The following MYO5A variants were observed in gnomAD, a reference collection of about 807,000 sequenced individuals.
The protein encoded by MYO5A is unconventional myosin-Va.
A neutral mutation model predicts 249.7 loss-of-function variants in MYO5A; 98 were observed. The observed-to-expected ratio is 0.39, with a 90% CI of 0.33 to 0.46. The LOEUF is 0.46. Ranked by LOEUF, MYO5A falls within the 20% of genes least tolerant of loss-of-function variation. The pLI, the probability that MYO5A is intolerant of heterozygous loss-of-function variation, is 0.98. For synonymous variants in MYO5A, 778 were observed against 810.6 expected, an observed-to-expected ratio of 0.96 and a Z score of 0.68; for missense variants, 1,696 against 2,308.8, an observed-to-expected ratio of 0.73 and a Z score of 5.44.
chr15:52,525,426 G>A (rs2077713848), intron 1 of MYO5A, among the ~76,000 whole-genome samples: 1 of 152,134 alleles, frequency 6.6e-6, no homozygotes, highest in African/African-American at 2.4e-5. Flanking sequence ...TTACAAAATG[G>A]AAGCCTTGTT....
intron 1 of MYO5A, among the ~76,000 whole-genome samples, chr15:52,519,137 GT>G (rs2077558853): frequency 6.6e-6 from 1 of 152,148 alleles, no homozygotes; most frequent in African/African-American, 2.4e-5. Context: ...AAAAGAAATT[GT>G]GCACAATTCT....
chr15:52,338,898 A>C (rs2039246969), intron 32 of MYO5A, among the ~76,000 whole-genome samples: 1 of 152,350 alleles, frequency 6.6e-6, no homozygotes, highest in East Asian at 1.9e-4. Context: ...CTTGTATGCC[A>C]ATCAATCAAC....
At chr15:52,395,080 T>G (rs1469087505) in intron 11 of MYO5A, among the ~76,000 whole-genome samples, 1 of 152,192 alleles carries the variant, frequency 6.6e-6, no homozygotes, top group Non-Finnish European at 1.5e-5. Context: ...AAGTAGCAAT[T>G]CCTTGTCCCA....
intron 3 of MYO5A, among the ~76,000 whole-genome samples, chr15:52,427,172 T>C (rs2141286488): frequency 6.6e-6 from 1 of 152,304 alleles, no homozygotes; most frequent in African/African-American, 2.4e-5. Context: ...TTCCTAAGAA[T>C]TTTTCTGTAG....
Position 52,452,232 on chromosome 15 carries a change from T to C in MYO5A, c.28-18947A>G, listed in dbSNP as rs146149785. Among the ~76,000 whole-genome samples, 315 of 151,238 alleles carry C rather than the reference T, an allele frequency of 2.1e-3. 1 individual carries two copies. The highest frequency in any genetic ancestry group is 7.4e-3 in the African/African-American group (304 of 41,160). On this transcript the variant is annotated intron_variant, in intron 1 of 41. Coordinates refer to ENST00000399233, the MANE Select transcript of MYO5A (RefSeq NM_001382347.1). ...GACAGTTCCCAGGGCCACAGAGAAG[T>C]ATTAAAAAAAACTCTGAGCAGATGG...
chr15:52,351,398 T>TGG lies in MYO5A; in HGVS notation c.3703_3704dup (p.Glu1236GlnfsTer3), dbSNP rs2039945223. The TGG allele has an allele frequency of 6.2e-7, 1 of 1,614,110 alleles. No individual in the cohort carries two copies. ...CAGGTGCACCTGGGGCGGTCACCTC[T>TGG]GGGGCACTTTTCTCACTGAGGGCCT... On this transcript the variant is annotated frameshift_variant, in exon 28 of 42. Transcript: ENST00000399233. LOFTEE classifies it high-confidence loss of function.
At chr15:52,386,313 AAAC>A (rs10657432) in intron 14 of MYO5A, among the ~76,000 whole-genome samples, 30 of 150,046 alleles carry the variant, frequency 2.0e-4, no homozygotes, top group Non-Finnish European at 2.7e-4. Context: ...CACTGTCTCA[AAAC>A]AACAACAACA....
Position 52,378,515 on chromosome 15 carries a change from C to CAAAAAAAAAAAAAAAAAAA in MYO5A, c.2208+1109_2208+1110insTTTTTTTTTTTTTTTTTTT, listed in dbSNP as rs55803737. ...CCTGGGTGAAAGAGCAAGACTGTCTCAAAAAAAAAAAAAAAAGAAGGGAAT... is the reference window on the plus strand; with the variant it reads ...CCTGGGTGAAAGAGCAAGACTGTCTCAAAAAAAAAAAAAAAAAAAAAAAAAAAAAAAAAAAGAAGGGAAT... On this transcript the variant is annotated intron_variant, in intron 18 of 41. Coordinates refer to ENST00000399233, the MANE Select transcript of MYO5A (RefSeq NM_001382347.1). 2.9e-3 allele frequency among the ~76,000 whole-genome samples: 30 copies of CAAAAAAAAAAAAAAAAAAA among 10,462 alleles called. 3 individuals carry two copies. Among genetic ancestry groups the CAAAAAAAAAAAAAAAAAAA allele is most frequent in the East Asian group, 6.0e-3 (1 of 168 alleles). 6.9% of individuals were successfully genotyped at this position (10,462 alleles called of 152,430 possible).
chr15:52,363,248 T>G (rs1358326211), intron 24 of MYO5A, among the ~76,000 whole-genome samples: 2 of 152,164 alleles, frequency 1.3e-5, no homozygotes, highest in Admixed American at 1.3e-4. Context: ...AAGAGAAAGC[T>G]AAGAATTACA....
intron 1 of MYO5A, among the ~76,000 whole-genome samples, chr15:52,443,915 G>A (rs369164118): frequency 1.9e-4 from 29 of 151,670 alleles, no homozygotes; most frequent in East Asian, 1.7e-3. Flanking sequence ...CCTGAGAGGC[G>A]GAGGTTGCAG....
At chr15:52,385,674 C>T (rs1368275951) in intron 14 of MYO5A, among the ~76,000 whole-genome samples, 8 of 151,950 alleles carry the variant, frequency 5.3e-5, no homozygotes, top group Admixed American at 5.2e-4. Flanking sequence ...TGTATTACTA[C>T]AAAAATAATT....
intron 1 of MYO5A, among the ~76,000 whole-genome samples, chr15:52,491,017 G>A (rs752942077): frequency 9.9e-5 from 15 of 152,104 alleles, no homozygotes; most frequent in Non-Finnish European, 1.5e-4. Context: ...ACCATGCCTG[G>A]CCTGGTTGTA....
intron 34 of MYO5A, among the ~76,000 whole-genome samples, chr15:52,333,982 T>C (rs1596305292): frequency 6.6e-6 from 1 of 152,350 alleles, no homozygotes; most frequent in African/African-American, 2.4e-5. Flanking sequence ...TTTCATCCTC[T>C]AGATATGTAT....
At chr15:52,320,396 G>A (rs1380220195) in intron 38 of MYO5A, among the ~76,000 whole-genome samples, 4 of 152,126 alleles carry the variant, frequency 2.6e-5, no homozygotes, top group African/African-American at 2.4e-5. Flanking sequence ...TTTAGATTGG[G>A]GCTTCTTTGA....
chr15:52,394,729 G>T (rs1395545445), intron 11 of MYO5A, among the ~76,000 whole-genome samples: 1 of 152,214 alleles, frequency 6.6e-6, no homozygotes, highest in Non-Finnish European at 1.5e-5. Flanking sequence ...AAAGAGGCTG[G>T]CATTGCTTCC....
At chr15:52,330,229 A>G in intron 35 of MYO5A, 124 bp downstream of exon 35, 1 of 1,299,882 alleles carries the variant, frequency 7.7e-7, no homozygotes, top group Non-Finnish European at 1.1e-6. Context: ...CAGCACTAGA[A>G]TACATGGTAT....
intron 11 of MYO5A, 150 bp downstream of exon 11, chr15:52,396,166 A>C: frequency 1.7e-6 from 1 of 603,404 alleles, no homozygotes; most frequent in Non-Finnish European, 2.9e-6. Context: ...ACATTTTTCT[A>C]ATGTTGTACC....
intron 11 of MYO5A, 35 bp from the exon 12 acceptor site, chr15:52,392,105 G>A (rs377632247): frequency 1.9e-6 from 3 of 1,588,898 alleles, no homozygotes; most frequent in African/African-American, 2.7e-5. Context: ...GTCATTACTG[G>A]ATCATTGTAA....
At chr15:52,471,900 T>C (rs2076480665) in intron 1 of MYO5A, among the ~76,000 whole-genome samples, 1 of 152,106 alleles carries the variant, frequency 6.6e-6, no homozygotes, top group African/African-American at 2.4e-5. Flanking sequence ...TGTCTCCCTA[T>C]GTTGCCCAGG....
Sources: allele counts gnomAD v4.1 joint callset (sites outside exome capture counted in the v4.1 genomes callset), GRCh38; gene constraint gnomAD v4.1.1; transcripts MANE v1.5; gene names NCBI Gene and HGNC (gene_info 2026-07-23, HGNC 2026-07-21).